Variants in RANBP2 observed in about 807,000 individuals in gnomAD.
RANBP2 encodes RAN binding protein 2.
RANBP2 carries 57 observed loss-of-function variants against 303.6 expected under a neutral mutation model. That is an observed-to-expected ratio of 0.19 (90% CI 0.15 to 0.23). RANBP2 has a LOEUF of 0.23. RANBP2 is among the 10% of genes least tolerant of loss of function. The pLI is 1.00. For synonymous variants in RANBP2, 1,167 were observed against 1,301.5 expected (o/e 0.90, Z 2.23); for missense variants, 3,138 against 3,780.8 (o/e 0.83, Z 4.46).
chr2:109,243,129 A>T, the RANBP2 span, among the ~76,000 whole-genome samples: 9 of 152,224 alleles, frequency 5.9e-5, no homozygotes, highest in Non-Finnish European at 1.3e-4. Flanking sequence ...CAGGCAGACA[A>T]TTGGGAGCAG....
At chr2:108,912,310 A>G in the RANBP2 span, among the ~76,000 whole-genome samples, 6 of 152,218 alleles carry the variant, frequency 3.9e-5, no homozygotes, top group African/African-American at 1.4e-4. Context: ...TGCTATGGTC[A>G]GCATGTTTAT....
At chr2:109,516,630 G>T in the RANBP2 span, among the ~76,000 whole-genome samples, 2 of 152,176 alleles carry the variant, frequency 1.3e-5, no homozygotes, top group Non-Finnish European at 2.9e-5. Context: ...TACTGAAGAA[G>T]TGGGAAGGAG....
At chr2:109,253,822 A>G in the RANBP2 span, among the ~76,000 whole-genome samples, 1 of 152,202 alleles carries the variant, frequency 6.6e-6, no homozygotes, top group Non-Finnish European at 1.5e-5. Context: ...TATAATTTGT[A>G]ATTTAAGAAA....
chr2:108,755,184 C>A lies in RANBP2; in HGVS notation c.2391C>A (p.Pro797=). 6.2e-7 allele frequency: 1 copy of A among 1,611,684 alleles called. No individual in the cohort carries two copies. Among genetic ancestry groups the A allele is most frequent in the Non-Finnish European group, 8.5e-7 (1 of 1,179,826 alleles). Residue 797 remains proline (P), a synonymous_variant, in exon 17 of 29, where the codon CCC becomes CCA. Coordinates refer to ENST00000283195, the MANE Select transcript of RANBP2 (RefSeq NM_006267.5). ...LSPSKSYKYS[P]KTPPRWAEDQ... ...TTTTTATTTTTTTTTAGTATTCTCC[C>A]AAAACACCACCTCGATGGGCAGAAG...
chr2:108,769,921 C>G (rs1238565177), intron 20 of RANBP2, among the ~76,000 whole-genome samples: 1 of 150,768 alleles, frequency 6.6e-6, no homozygotes, highest in East Asian at 1.9e-4. Flanking sequence ...TTAGCCATGC[C>G]AAACAAGTAC....
At chr2:109,187,596 GGA>G in the RANBP2 span, among the ~76,000 whole-genome samples, 2 of 152,196 alleles carry the variant, frequency 1.3e-5, no homozygotes, top group South Asian at 4.1e-4. Flanking sequence ...TTATAGGCTA[GGA>G]GCATAGGCTG....
At chr2:109,584,739 T>A in the RANBP2 span, among the ~76,000 whole-genome samples, 1 of 152,172 alleles carries the variant, frequency 6.6e-6, no homozygotes, top group African/African-American at 2.4e-5. Flanking sequence ...TTACAAAAAA[T>A]TCAAGCATCA....
chr2:109,593,167 C>A, the RANBP2 span: 2 of 1,261,800 alleles, frequency 1.6e-6, no homozygotes, highest in South Asian at 1.5e-5. Context: ...ACATTACTCC[C>A]CAAACCCCAT....
At chr2:108,929,488 T>G in the RANBP2 span, 8 of 1,196,762 alleles carry the variant, frequency 6.7e-6, 1 homozygote, top group East Asian at 1.9e-4. Flanking sequence ...CAGAAGCTAC[T>G]CTTGCCGGGC....
chr2:108,731,532 G>T, intron 4 of RANBP2, 58 bp downstream of exon 4: 1 of 1,608,096 alleles, frequency 6.2e-7, no homozygotes, highest in Non-Finnish European at 8.5e-7. Context: ...CTAATATTTG[G>T]AATTTAAATT....
the RANBP2 span, among the ~76,000 whole-genome samples, chr2:109,130,388 C>T: frequency 6.6e-6 from 1 of 152,210 alleles, no homozygotes; most frequent in Non-Finnish European, 1.5e-5. Context: ...GACTTGTTAC[C>T]CTGCCTCTTA....
the RANBP2 span, among the ~76,000 whole-genome samples, chr2:109,702,895 A>G: frequency 9.3e-5 from 14 of 151,142 alleles, no homozygotes; most frequent in East Asian, 2.5e-3. Flanking sequence ...TGACCTGTTC[A>G]TTCCCAGACC....
At chr2:109,552,989 C>A in the RANBP2 span, 1 of 1,336,612 alleles carries the variant, frequency 7.5e-7, no homozygotes, top group Non-Finnish European at 1.0e-6. Context: ...GAACAAGTAG[C>A]CTACAAAAGA....
chr2:109,003,857 A>G, the RANBP2 span, among the ~76,000 whole-genome samples: 2 of 152,170 alleles, frequency 1.3e-5, no homozygotes, highest in African/African-American at 2.4e-5. Flanking sequence ...TATTATATGA[A>G]GAGACACCAG....
At chr2:109,398,520 G>A in the RANBP2 span, 1 of 1,335,254 alleles carries the variant, frequency 7.5e-7, no homozygotes, top group Middle Eastern at 1.8e-4. Context: ...GTGGCCTGGA[G>A]AGTGCAGAGG....
chr2:108,909,602 C>T, the RANBP2 span, among the ~76,000 whole-genome samples: 1 of 152,206 alleles, frequency 6.6e-6, no homozygotes, highest in Admixed American at 6.5e-5. Context: ...CAGTGGCTGT[C>T]GGGCAGAGGC....
At chr2:109,291,539 C>G in the RANBP2 span, among the ~76,000 whole-genome samples, 1 of 152,212 alleles carries the variant, frequency 6.6e-6, no homozygotes, top group African/African-American at 2.4e-5. Context: ...CATGCCATGT[C>G]TGCAGCCGGC....
chr2:109,056,154 T>G, the RANBP2 span, among the ~76,000 whole-genome samples: 1 of 151,930 alleles, frequency 6.6e-6, no homozygotes, highest in East Asian at 1.9e-4. Flanking sequence ...TCTATTCTGT[T>G]TTTAGGGGGT....
chr2:108,725,729 C>CA (rs760039984), intron 1 of RANBP2, among the ~76,000 whole-genome samples: 3,705 of 137,654 alleles, frequency 0.027, 93 homozygotes, highest in South Asian at 0.1. Flanking sequence ...GACTCCATCT[C>CA]AAAAAAAAAA....
Sources: gnomAD v4.1 joint callset for allele counts (sites outside exome capture counted in the v4.1 genomes callset) on GRCh38, gnomAD v4.1.1 for gene constraint, MANE v1.5 for transcripts, NCBI Gene and HGNC (gene_info 2026-07-23, HGNC 2026-07-21) for gene names.